The following ATP8A1 variants were observed in gnomAD, a reference collection of about 807,000 sequenced individuals.
ATP8A1 encodes phospholipid-transporting ATPase IA.
In ATP8A1, 90 loss-of-function variants were observed where a neutral mutation model predicts 177.7. The observed-to-expected ratio is 0.51, with a 90% CI of 0.43 to 0.60. The LOEUF is 0.60. Among genes scored for constraint, ATP8A1 ranks in the 20% least tolerant of loss-of-function variants. ATP8A1 has a pLI of 0.00. For missense variants in ATP8A1, 1,072 were observed against 1,392.8 expected, an observed-to-expected ratio of 0.77 and a Z score of 3.67; for synonymous variants, 493 against 485.9, an observed-to-expected ratio of 1.01 and a Z score of -0.19.
Position 42,409,683 on chromosome 4 carries a change from A to T in ATP8A1, c.*3233T>A, listed in dbSNP as rs1007214782. ...GTAATTATGACATTGTCATAATTTT[A>T]AAACTATGAATAATACAATCTATTA... On this transcript the variant is annotated 3_prime_UTR_variant, in exon 37 of 37. Transcript: ENST00000381668. The T allele has an allele frequency of 6.6e-6, 1 of 152,192 alleles. No homozygotes were observed. Among genetic ancestry groups the T allele is most frequent in the Non-Finnish European group, 1.5e-5 (1 of 67,986 alleles). 9.4% of individuals were successfully genotyped at this position (152,192 alleles called of 1,614,324 possible). A position where few individuals can be genotyped will look rare whatever the true frequency, so the allele number is the denominator to read the frequency against.
At chr4:42,477,712 C>T (rs1721226212) in intron 25 of ATP8A1, among the ~76,000 whole-genome samples, 1 of 151,440 alleles carries the variant, frequency 6.6e-6, no homozygotes, top group Non-Finnish European at 1.5e-5. Flanking sequence ...TGGCTCACGC[C>T]TGTAATCACT....
At chr4:42,420,176 T>C (rs1713727488) in intron 35 of ATP8A1, among the ~76,000 whole-genome samples, 1 of 152,208 alleles carries the variant, frequency 6.6e-6, no homozygotes, top group Admixed American at 6.5e-5. Context: ...AGTTGCTATT[T>C]TTCTCCTTTC....
chr4:42,456,994 GT>G (rs2153180120), intron 27 of ATP8A1, among the ~76,000 whole-genome samples: 1 of 152,224 alleles, frequency 6.6e-6, no homozygotes, highest in Admixed American at 6.5e-5. Context: ...AAAAACTAAT[GT>G]CTGCTTTATG....
chr4:42,625,826 T>C, intron 2 of ATP8A1, 113 bp from the exon 3 acceptor site: 1 of 526,912 alleles, frequency 1.9e-6, no homozygotes, highest in Admixed American at 3.9e-5. Context: ...TGCCGGCTGT[T>C]TCAAATTGGG....
intron 27 of ATP8A1, among the ~76,000 whole-genome samples, chr4:42,462,833 T>C (rs961212971): frequency 6.6e-6 from 1 of 152,154 alleles, no homozygotes; most frequent in Non-Finnish European, 1.5e-5. Flanking sequence ...CCCAAGACCA[T>C]GGGACCCTAC....
intron 16 of ATP8A1, among the ~76,000 whole-genome samples, chr4:42,553,558 C>G (rs1181809407): frequency 1.3e-5 from 2 of 151,978 alleles, no homozygotes; most frequent in African/African-American, 4.8e-5. Flanking sequence ...TCCTGTCTGG[C>G]TCTCAATAAA....
chr4:42,608,096 G>A (rs1054699147), intron 5 of ATP8A1, among the ~76,000 whole-genome samples: 1 of 152,182 alleles, frequency 6.6e-6, no homozygotes, highest in Non-Finnish European at 1.5e-5. Flanking sequence ...CAGGATACAA[G>A]GTAACAGCTT....
chr4:42,416,897 G>C (rs1242209548), intron 35 of ATP8A1, among the ~76,000 whole-genome samples: 1 of 152,218 alleles, frequency 6.6e-6, no homozygotes, highest in Non-Finnish European at 1.5e-5. Flanking sequence ...AAGGTACTTT[G>C]TAAGGAGTAT....
intron 9 of ATP8A1, among the ~76,000 whole-genome samples, chr4:42,585,961 C>T (rs1733570969): frequency 6.6e-6 from 1 of 152,142 alleles, no homozygotes; most frequent in Non-Finnish European, 1.5e-5. Context: ...TGAAGCATCT[C>T]AAGATCACAG....
chr4:42,516,997 T>C (rs1038227012), intron 22 of ATP8A1, among the ~76,000 whole-genome samples: 1 of 152,068 alleles, frequency 6.6e-6, no homozygotes, highest in Non-Finnish European at 1.5e-5. Context: ...AATACAAAAT[T>C]TTAATTTAAA....
chr4:42,449,143 C>T (rs977361981), intron 30 of ATP8A1, among the ~76,000 whole-genome samples: 4 of 152,174 alleles, frequency 2.6e-5, no homozygotes, highest in Admixed American at 2.0e-4. Flanking sequence ...GCCTACTTTG[C>T]ACTTTGAATG....
At chr4:42,432,512 G>A (rs915374066) in intron 33 of ATP8A1, among the ~76,000 whole-genome samples, 17 of 152,136 alleles carry the variant, frequency 1.1e-4, no homozygotes, top group Admixed American at 1.0e-3. Context: ...GAAATACCAT[G>A]GTGGGACACT....
intron 24 of ATP8A1, among the ~76,000 whole-genome samples, chr4:42,500,970 C>T (rs1195919306): frequency 6.6e-6 from 1 of 151,966 alleles, no homozygotes; most frequent in Non-Finnish European, 1.5e-5. Context: ...TTTCTATTAT[C>T]ATAATCACTA....
chr4:42,552,699 AGTT>A lies in ATP8A1; in HGVS notation c.1414-92_1414-90del, dbSNP rs1189095054. On this transcript the variant is annotated intron_variant, in intron 16 of 36. Transcript: ENST00000381668. ...ATTACTTCATGTCTATTAAGAACAT[AGTT>A]GTTGGCCAGACATGGTAGCTCACAC... 27 of 975,870 alleles carry A rather than the reference AGTT, an allele frequency of 2.8e-5. No homozygotes were observed. In the African/African-American group the frequency reaches 3.6e-4, roughly 13 times the overall value. The allele number at this position is 975,870 out of a possible 1,614,324, so 60.5% of individuals were successfully genotyped here.
intron 24 of ATP8A1, among the ~76,000 whole-genome samples, chr4:42,488,363 T>C (rs1236302607): frequency 6.6e-6 from 1 of 151,994 alleles, no homozygotes; most frequent in African/African-American, 2.4e-5. Context: ...GAATGAAATT[T>C]CTGCGGTAGC....
intron 1 of ATP8A1, among the ~76,000 whole-genome samples, chr4:42,631,681 C>A (rs1330959314): frequency 6.6e-6 from 1 of 152,176 alleles, no homozygotes; most frequent in Admixed American, 6.5e-5. Context: ...TAATGTTTAA[C>A]CCCATGACTT....
At chr4:42,432,281 T>C (rs1308514149) in intron 33 of ATP8A1, among the ~76,000 whole-genome samples, 2 of 152,162 alleles carry the variant, frequency 1.3e-5, no homozygotes, top group African/African-American at 4.8e-5. Context: ...CTCTAGAGTA[T>C]CTTAAAAGCT....
intron 13 of ATP8A1, among the ~76,000 whole-genome samples, chr4:42,575,275 C>T (rs1041729038): frequency 5.9e-5 from 9 of 152,176 alleles, no homozygotes; most frequent in Non-Finnish European, 1.5e-5. Flanking sequence ...CACATAGCTT[C>T]GTTGATGAAC....
chr4:42,629,430 T>A (rs1370852715), intron 1 of ATP8A1, among the ~76,000 whole-genome samples: 1 of 152,206 alleles, frequency 6.6e-6, no homozygotes, highest in African/African-American at 2.4e-5. Context: ...TGCAGAACGC[T>A]TCGCTCTGTT....
Sources: allele counts gnomAD v4.1 joint callset (sites outside exome capture counted in the v4.1 genomes callset), GRCh38; gene constraint gnomAD v4.1.1; transcripts MANE v1.5; gene names NCBI Gene and HGNC (gene_info 2026-07-23, HGNC 2026-07-21).